KIF6: variants seen among roughly 807,000 people sequenced by gnomAD.
KIF6 encodes the protein kinesin family member 6, also known as kinesin-like protein KIF6.
Under a neutral mutation model 112.7 loss-of-function variants are expected in KIF6, and 106 were observed. That is an observed-to-expected ratio of 0.94 (90% confidence interval 0.80 to 1.11). The LOEUF (loss-of-function observed/expected upper bound fraction) is 1.11, where lower values mean the gene tolerates loss of function less well. Ranked by LOEUF, KIF6 falls within the 50% of genes least tolerant of loss-of-function variation. The pLI, the probability that KIF6 is intolerant of heterozygous loss-of-function variation, is 0.00. For missense variants in KIF6, 929 were observed against 964.0 expected (o/e 0.96, Z 0.48); for synonymous variants, 339 against 339.9 (o/e 1.00, Z 0.03).
rs193043787 is a variant in KIF6, at chr6:39,671,589, C to T, written c.252-31832G>A. On this transcript the variant is annotated intron_variant, in intron 3 of 22. Coordinates refer to ENST00000287152, the MANE Select transcript of KIF6 (RefSeq NM_145027.6). ...TCCTGTTCAGCTCATTCTCCAGGCA[C>T]TCCCCACTATTGTGCTTCTCACGCC... Among the ~76,000 whole-genome samples, 197 of 152,296 alleles carry T rather than the reference C, an allele frequency of 1.3e-3. 1 individual carries two copies. The highest frequency in any genetic ancestry group is 3.4e-3 in the Middle Eastern group (1 of 294).
chr6:39,491,584 C>T (rs1016749591), intron 13 of KIF6, among the ~76,000 whole-genome samples: 1 of 152,122 alleles, frequency 6.6e-6, no homozygotes, highest in Non-Finnish European at 1.5e-5. Context: ...TGGGATATTA[C>T]CATAAACAAA....
At chr6:39,499,627 C>T (rs1776001241) in intron 13 of KIF6, among the ~76,000 whole-genome samples, 1 of 152,250 alleles carries the variant, frequency 6.6e-6, no homozygotes, top group South Asian at 2.1e-4. Flanking sequence ...AGCATGCTAC[C>T]TGTCTTCTGT....
chr6:39,347,305 T>G (rs1763881011), intron 19 of KIF6, among the ~76,000 whole-genome samples: 1 of 152,192 alleles, frequency 6.6e-6, no homozygotes, highest in African/African-American at 2.4e-5. Context: ...GGCCTACCCC[T>G]GACCACACTG....
chr6:39,541,714 G>A (rs539100199), intron 12 of KIF6, among the ~76,000 whole-genome samples: 1 of 152,306 alleles, frequency 6.6e-6, no homozygotes, highest in Admixed American at 6.5e-5. Context: ...CTAATCTGAA[G>A]AAGGTCAAGG....
At chr6:39,566,725 C>T (rs1236825909) in intron 10 of KIF6, among the ~76,000 whole-genome samples, 1 of 152,166 alleles carries the variant, frequency 6.6e-6, no homozygotes, top group Admixed American at 6.5e-5. Flanking sequence ...AAACCAACTA[C>T]ATATATTGCA....
intron 7 of KIF6, among the ~76,000 whole-genome samples, chr6:39,588,354 C>T (rs1781748903): frequency 6.6e-6 from 1 of 152,128 alleles, no homozygotes; most frequent in Admixed American, 6.5e-5. Flanking sequence ...GCTGGGATTA[C>T]AGGCGTGCAC....
intron 1 of KIF6, among the ~76,000 whole-genome samples, chr6:39,724,507 G>A (rs1030206728): frequency 4.0e-5 from 6 of 151,140 alleles, no homozygotes; most frequent in Admixed American, 1.3e-4. Flanking sequence ...TCAGAGTCAG[G>A]GCAATGTCTT....
At chr6:39,467,712 T>C (rs1203816162) in intron 13 of KIF6, among the ~76,000 whole-genome samples, 1 of 152,312 alleles carries the variant, frequency 6.6e-6, no homozygotes, top group African/African-American at 2.4e-5. Flanking sequence ...AGAGCTGCTA[T>C]ATTATCTAAA....
At chr6:39,511,000 C>T (rs1776753243) in intron 13 of KIF6, among the ~76,000 whole-genome samples, 1 of 149,358 alleles carries the variant, frequency 6.7e-6, no homozygotes, top group African/African-American at 2.5e-5. Flanking sequence ...ATCAATTCAA[C>T]AAGAAGAGCT....
intron 6 of KIF6, among the ~76,000 whole-genome samples, chr6:39,611,604 A>G (rs546421449): frequency 1.6e-4 from 24 of 152,206 alleles, no homozygotes; most frequent in Non-Finnish European, 3.2e-4. Flanking sequence ...AAAGAAAGTC[A>G]GTTAGCACTG....
intron 13 of KIF6, among the ~76,000 whole-genome samples, chr6:39,446,200 A>G (rs1772301414): frequency 6.6e-6 from 1 of 152,212 alleles, no homozygotes; most frequent in South Asian, 2.1e-4. Context: ...CCACATCTAT[A>G]AAATGAAACA....
At chr6:39,625,822 G>A (rs1274727762) in intron 5 of KIF6, among the ~76,000 whole-genome samples, 2 of 152,154 alleles carry the variant, frequency 1.3e-5, no homozygotes, top group Admixed American at 1.3e-4. Context: ...GGGGAGAACT[G>A]GCTTCCAAAA....
rs376594038 is a variant in KIF6, at chr6:39,435,179, C to G, written c.1646-4018G>C. 7.0e-4 allele frequency among the ~76,000 whole-genome samples: 107 copies of G among 152,106 alleles called. 1 individual carries two copies. Among genetic ancestry groups the G allele is most frequent in the Non-Finnish European group, 1.3e-3 (88 of 68,000 alleles). On this transcript the variant is annotated intron_variant, in intron 13 of 22. Transcript: ENST00000287152. ...AAGGTGGTGGGGCTCAAAATGACCT[C>G]GTAATATTAATAGTAGATTTACCCA...
At chr6:39,450,975 T>G (rs1043843992) in intron 13 of KIF6, among the ~76,000 whole-genome samples, 9 of 152,214 alleles carry the variant, frequency 5.9e-5, no homozygotes, top group Non-Finnish European at 1.3e-4. Context: ...TCGTCAGTAG[T>G]GAAAGTCTTT....
intron 10 of KIF6, among the ~76,000 whole-genome samples, chr6:39,576,969 C>G (rs1781007593): frequency 1.3e-5 from 2 of 152,130 alleles, no homozygotes; most frequent in African/African-American, 2.4e-5. Flanking sequence ...GAAAGGAACA[C>G]CATAGTGAAG....
chr6:39,404,031 TGA>T (rs34069447), intron 15 of KIF6, among the ~76,000 whole-genome samples: 5,544 of 152,146 alleles, frequency 0.036, 175 homozygotes, highest in Non-Finnish European at 0.05. Flanking sequence ...TGTTGAATTT[TGA>T]GAGTTAATAT....
intron 3 of KIF6, 77 bp downstream of exon 3, chr6:39,714,615 C>T: frequency 1.1e-6 from 1 of 944,600 alleles, no homozygotes; most frequent in Non-Finnish European, 1.7e-6. Context: ...CACTTAAGCA[C>T]ACTACCACAG....
chr6:39,490,478 T>C (rs1003048673), intron 13 of KIF6, among the ~76,000 whole-genome samples: 2 of 152,168 alleles, frequency 1.3e-5, no homozygotes, highest in African/African-American at 2.4e-5. Context: ...AAATGAGGTG[T>C]GTATCTTTGT....
intron 15 of KIF6, among the ~76,000 whole-genome samples, chr6:39,387,143 C>T (rs935663349): frequency 6.6e-6 from 1 of 152,150 alleles, no homozygotes; most frequent in African/African-American, 2.4e-5. Flanking sequence ...GGGCATTTCC[C>T]TTCTGACTTG....
Sources: gnomAD v4.1 joint callset for allele counts (sites outside exome capture counted in the v4.1 genomes callset) on GRCh38, gnomAD v4.1.1 for gene constraint, MANE v1.5 for transcripts, NCBI Gene and HGNC (gene_info 2026-07-23, HGNC 2026-07-21) for gene names.